The following TAOK3 variants were observed in gnomAD, a reference collection of about 807,000 sequenced individuals.
TAOK3 encodes TAO kinase 3.
TAOK3 carries 40 observed loss-of-function variants against 120.4 expected under a neutral mutation model. That is an observed-to-expected ratio of 0.33 (90% CI 0.26 to 0.43). The LOEUF is 0.43. TAOK3 is among the 20% of genes least tolerant of loss of function. The pLI, the probability that TAOK3 is intolerant of heterozygous loss-of-function variation, is 1.00. For missense variants in TAOK3, 821 were observed against 1,112.1 expected, an observed-to-expected ratio of 0.74 and a Z score of 3.72; for synonymous variants, 355 against 387.5, an observed-to-expected ratio of 0.92 and a Z score of 0.99.
chr12:118,182,416 T>A (rs2036792375), intron 14 of TAOK3, among the ~76,000 whole-genome samples: 1 of 151,818 alleles, frequency 6.6e-6, no homozygotes, highest in Non-Finnish European at 1.5e-5. Context: ...GGGGCCGTCC[T>A]GTGCATTGCA....
intron 1 of TAOK3, among the ~76,000 whole-genome samples, chr12:118,318,899 G>T (rs1425942454): frequency 6.6e-6 from 1 of 152,166 alleles, no homozygotes; most frequent in Non-Finnish European, 1.5e-5. Flanking sequence ...CCTTCAAAAA[G>T]AAGGAAATCC....
intron 2 of TAOK3, among the ~76,000 whole-genome samples, chr12:118,261,002 T>G (rs1454055306): frequency 1.3e-5 from 2 of 152,042 alleles, no homozygotes; most frequent in South Asian, 2.1e-4. Context: ...CCTTTAGAGA[T>G]GAAAGCTACA....
chr12:118,277,289 G>GT (rs1203751972), intron 1 of TAOK3, among the ~76,000 whole-genome samples: 1 of 152,120 alleles, frequency 6.6e-6, no homozygotes. Flanking sequence ...TTCACAAGAT[G>GT]TGAGTTTAAC....
At chr12:118,186,522 A>G in intron 14 of TAOK3, among the ~76,000 whole-genome samples, 1 of 152,176 alleles carries the variant, frequency 6.6e-6, no homozygotes, top group South Asian at 2.1e-4. Flanking sequence ...ATAAAAACTC[A>G]AGGAAGGCAC....
intron 1 of TAOK3, among the ~76,000 whole-genome samples, chr12:118,316,971 A>G (rs1246014329): frequency 1.3e-5 from 2 of 152,092 alleles, no homozygotes; most frequent in East Asian, 1.9e-4. Context: ...AAAACTACAA[A>G]ACATTGCTGG....
chr12:118,177,739 C>T (rs1195780383), intron 15 of TAOK3, among the ~76,000 whole-genome samples: 1 of 152,028 alleles, frequency 6.6e-6, no homozygotes, highest in African/African-American at 2.4e-5. Context: ...AGGAGAATCG[C>T]TTGAACCCAG....
chr12:118,301,221 T>C lies in TAOK3; in HGVS notation c.-193-34462A>G, dbSNP rs955528702. Among the ~76,000 whole-genome samples the C allele has an allele frequency of 4.6e-5, 7 of 152,276 alleles. No homozygotes were observed. The East Asian group carries it at 1.2e-3, about 25-fold the overall frequency. On this transcript the variant is annotated intron_variant, in intron 1 of 20. Coordinates refer to ENST00000392533, the MANE Select transcript of TAOK3 (RefSeq NM_016281.4). ...TTGGTGCTTAATAAATGTTAGATAGTGTAATGCCATAAGCAGCTGCAAATG... is the reference window on the plus strand; with the variant it reads ...TTGGTGCTTAATAAATGTTAGATAGCGTAATGCCATAAGCAGCTGCAAATG...
At chr12:118,339,646 A>G (rs1034357947) in intron 1 of TAOK3, among the ~76,000 whole-genome samples, 1 of 151,568 alleles carries the variant, frequency 6.6e-6, no homozygotes, top group African/African-American at 2.4e-5. Context: ...GCTCACTGCA[A>G]CCTCCACCTC....
In TAOK3 at chr12:118,150,187, AT is replaced by A. The variant is rs1338070603; in HGVS notation, c.*809del. 1.3e-5 allele frequency: 2 copies of A among 152,628 alleles called. No homozygotes were observed. The highest frequency in any genetic ancestry group is 2.9e-5 in the Non-Finnish European group (2 of 68,042). The allele number at this position is 152,628 out of a possible 1,614,324, so 9.5% of individuals were successfully genotyped here. ...GAAAATAAGTAATACCTCTCCTTAA[AT>A]TCCTTCTATACACAAAATACACGAT... On this transcript the variant is annotated 3_prime_UTR_variant, in exon 21 of 21. Coordinates refer to ENST00000392533, the MANE Select transcript of TAOK3 (RefSeq NM_016281.4).
intron 19 of TAOK3, among the ~76,000 whole-genome samples, chr12:118,154,926 C>T (rs1303540029): frequency 6.6e-6 from 1 of 152,056 alleles, no homozygotes; most frequent in East Asian, 1.9e-4. Context: ...CCCCCTTATC[C>T]CCCCAAGCCA....
chr12:118,309,661 G>A (rs1302639015), intron 1 of TAOK3, among the ~76,000 whole-genome samples: 2 of 151,670 alleles, frequency 1.3e-5, no homozygotes, highest in Non-Finnish European at 2.9e-5. Flanking sequence ...GATTACAGGC[G>A]CCTGCCACCA....
At chr12:118,230,852 C>T (rs942694819) in intron 9 of TAOK3, among the ~76,000 whole-genome samples, 1 of 151,922 alleles carries the variant, frequency 6.6e-6, no homozygotes. Flanking sequence ...CTGAGTGGCC[C>T]CCAAAATCAG....
At chr12:118,276,553 A>G (rs989424121) in intron 1 of TAOK3, among the ~76,000 whole-genome samples, 2 of 151,998 alleles carry the variant, frequency 1.3e-5, no homozygotes, top group Non-Finnish European at 2.9e-5. Flanking sequence ...TACAAAAAAA[A>G]TAGCCAGGTG....
At chr12:118,246,943 A>C (rs459229) in intron 3 of TAOK3, 693,542 of 1,065,196 alleles carry the variant, frequency 0.65, 226,611 homozygotes, top group African/African-American at 0.7. Context: ...CGGACTCAGG[A>C]TCCAGCTGTG....
At chr12:118,164,859 C>T (rs1344645758) in intron 17 of TAOK3, among the ~76,000 whole-genome samples, 1 of 152,176 alleles carries the variant, frequency 6.6e-6, no homozygotes, top group African/African-American at 2.4e-5. Flanking sequence ...ATCTTGCACA[C>T]TTGGGCTCCC....
chr12:118,288,174 C>G (rs1167232212), intron 1 of TAOK3, among the ~76,000 whole-genome samples: 1 of 151,738 alleles, frequency 6.6e-6, no homozygotes, highest in Non-Finnish European at 1.5e-5. Context: ...GATTTAGAGA[C>G]TCAAAAACTT....
chr12:118,182,666 C>A (rs2138924101), intron 14 of TAOK3, among the ~76,000 whole-genome samples: 1 of 134,794 alleles, frequency 7.4e-6, no homozygotes, highest in South Asian at 2.4e-4. Context: ...CAGTCATAGA[C>A]CTTTTAAATT....
Position 118,161,073 on chromosome 12 carries a change from C to A in TAOK3, c.2139+715G>T, listed in dbSNP as rs1353107324. Among the ~76,000 whole-genome samples, 1 of 152,210 alleles carries A rather than the reference C, an allele frequency of 6.6e-6. No individual in the cohort carries two copies. The highest frequency in any genetic ancestry group is 1.5e-5 in the Non-Finnish European group (1 of 68,050). On this transcript the variant is annotated intron_variant, in intron 18 of 20. Transcript: ENST00000392533. This position sits in a 1 kb window ranked among gnomAD's most constrained non-coding sequence, Gnocchi z 4.5. ...GCCCCACAGTCATGTGTGCACTTCA[C>A]GAACACTCTGAGGACTTATGGTGAT...
intron 1 of TAOK3, among the ~76,000 whole-genome samples, chr12:118,362,811 A>C (rs543699111): frequency 4.6e-5 from 7 of 152,266 alleles, no homozygotes; most frequent in African/African-American, 1.7e-4. Flanking sequence ...TGAGGTCAGG[A>C]GTTCGAGACC....
Sources: gnomAD v4.1 joint callset for allele counts (sites outside exome capture counted in the v4.1 genomes callset) on GRCh38, gnomAD v4.1.1 for gene constraint, Gnocchi (gnomAD v3.1) non-coding constraint, MANE v1.5 for transcripts, NCBI Gene and HGNC (gene_info 2026-07-23, HGNC 2026-07-21) for gene names.